Variants in SGCZ observed in about 807,000 individuals in gnomAD.
SGCZ encodes sarcoglycan zeta.
A neutral mutation model predicts 41.3 loss-of-function variants in SGCZ; 40 were observed. The ratio of observed to expected loss-of-function variants is 0.97; its 90% confidence interval spans 0.75 to 1.26. The LOEUF is 1.26. Ranked by LOEUF, SGCZ falls within the 50% of genes most tolerant of loss-of-function variation. SGCZ has a pLI of 0.00. For synonymous variants in SGCZ, 206 were observed against 137.5 expected, an observed-to-expected ratio of 1.50 and a Z score of -3.49; for missense variants, 552 against 369.8, an observed-to-expected ratio of 1.49 and a Z score of -4.04.
chr8:14,521,484 G>A (rs916138350), intron 2 of SGCZ, among the ~76,000 whole-genome samples: 5 of 152,002 alleles, frequency 3.3e-5, no homozygotes, highest in Non-Finnish European at 7.4e-5. Flanking sequence ...TAAAAAAATA[G>A]TTCATTCCCT....
At chr8:15,105,990 A>G (rs1345541260) in intron 1 of SGCZ, among the ~76,000 whole-genome samples, 1 of 152,172 alleles carries the variant, frequency 6.6e-6, no homozygotes, top group Non-Finnish European at 1.5e-5. Context: ...ATTTGAACTG[A>G]TATCTGGACT....
chr8:14,130,882 T>C (rs1351709187), intron 5 of SGCZ, among the ~76,000 whole-genome samples: 2 of 152,138 alleles, frequency 1.3e-5, no homozygotes, highest in African/African-American at 4.8e-5. Context: ...GCCAGCCAGG[T>C]AGAGAATCCA....
At chr8:15,076,753 C>CTTTTTTTTTTTTTTTTTT (rs566416257) in intron 1 of SGCZ, among the ~76,000 whole-genome samples, 1 of 143,742 alleles carries the variant, frequency 7.0e-6, no homozygotes. Flanking sequence ...AAGTCTCTCT[C>CTTTTTTTTTTTTTTTTTT]ATTTTTTTTT....
chr8:14,250,926 T>C (rs954621697), intron 3 of SGCZ, among the ~76,000 whole-genome samples: 8 of 152,140 alleles, frequency 5.3e-5, no homozygotes, highest in African/African-American at 1.7e-4. Flanking sequence ...TAGAGATGTG[T>C]ATGTTAAATG....
At chr8:14,691,559 T>A (rs1808798276) in intron 1 of SGCZ, among the ~76,000 whole-genome samples, 1 of 151,998 alleles carries the variant, frequency 6.6e-6, no homozygotes, top group Non-Finnish European at 1.5e-5. Context: ...CATAGGCACA[T>A]AGGCCTCTTG....
intron 1 of SGCZ, among the ~76,000 whole-genome samples, chr8:14,970,309 T>G (rs1017715654): frequency 6.6e-6 from 1 of 152,282 alleles, no homozygotes; most frequent in African/African-American, 2.4e-5. Flanking sequence ...CTGTCTTGTC[T>G]TTCATCCTTA....
intron 1 of SGCZ, among the ~76,000 whole-genome samples, chr8:14,904,411 CATT>C (rs1181518217): frequency 2.6e-5 from 4 of 152,000 alleles, no homozygotes; most frequent in Non-Finnish European, 4.4e-5. Flanking sequence ...CAAAACATCT[CATT>C]ATCAAAGAAT....
At chr8:14,816,773 C>T (rs1029396415) in intron 1 of SGCZ, among the ~76,000 whole-genome samples, 2 of 152,122 alleles carry the variant, frequency 1.3e-5, no homozygotes, top group African/African-American at 4.8e-5. Flanking sequence ...TGTTTATAGC[C>T]TTAAAAATGA....
intron 1 of SGCZ, among the ~76,000 whole-genome samples, chr8:14,575,913 C>CAAAAAAAAAAAAAAAAAAA (rs66656586): frequency 6.0e-5 from 6 of 100,012 alleles, no homozygotes; most frequent in Non-Finnish European, 1.1e-4. Flanking sequence ...CTCAAAATAA[C>CAAAAAAAAAAAAAAAAAAA]AAAAAAAAAA....
intron 1 of SGCZ, among the ~76,000 whole-genome samples, chr8:14,851,823 G>A (rs1803339160): frequency 6.6e-6 from 1 of 151,994 alleles, no homozygotes; most frequent in Admixed American, 6.6e-5. Context: ...AAAGGATATT[G>A]TGCCCATCTT....
rs1002413151 is a variant in SGCZ, at chr8:14,817,952, T to A, written c.40-263026A>T. Among the ~76,000 whole-genome samples, 8 of 152,240 alleles carry A rather than the reference T, an allele frequency of 5.3e-5. No individual in the cohort carries two copies. In the East Asian group the frequency reaches 1.5e-3, roughly 29 times the overall value. On this transcript the variant is annotated intron_variant, in intron 1 of 7. Transcript: ENST00000382080. ...CTTAGTGGACCTGTCCACTTTAATA[T>A]ATTGCCAAAGAGGCACCTCGCCCAG...
intron 1 of SGCZ, among the ~76,000 whole-genome samples, chr8:15,154,009 C>A (rs770894665): frequency 6.6e-5 from 10 of 151,972 alleles, no homozygotes; most frequent in Non-Finnish European, 1.2e-4. Flanking sequence ...ATGCACGGTT[C>A]ACGATAGAGT....
At chr8:14,585,133 A>G (rs1805016899) in intron 1 of SGCZ, among the ~76,000 whole-genome samples, 2 of 152,266 alleles carry the variant, frequency 1.3e-5, no homozygotes, top group South Asian at 4.1e-4. Flanking sequence ...ATCTCTACTA[A>G]TAAACATTAG....
intron 1 of SGCZ, among the ~76,000 whole-genome samples, chr8:15,112,481 C>A (rs574857493): frequency 4.6e-5 from 7 of 152,328 alleles, no homozygotes; most frequent in Admixed American, 2.0e-4. Flanking sequence ...GGTTTAAAAA[C>A]ATCTCTTCCT....
chr8:15,188,809 A>G (rs1800432721), intron 1 of SGCZ, among the ~76,000 whole-genome samples: 1 of 152,108 alleles, frequency 6.6e-6, no homozygotes, highest in African/African-American at 2.4e-5. Context: ...GGAGATGTTG[A>G]TTTGAGAATA....
intron 1 of SGCZ, among the ~76,000 whole-genome samples, chr8:14,618,488 T>A (rs1389482958): frequency 6.6e-6 from 1 of 152,182 alleles, no homozygotes; most frequent in South Asian, 2.1e-4. Flanking sequence ...GCAGCAAAGA[T>A]GACCAGATTG....
At chr8:14,182,939 G>C (rs1804776868) in intron 4 of SGCZ, among the ~76,000 whole-genome samples, 1 of 149,412 alleles carries the variant, frequency 6.7e-6, no homozygotes, top group Non-Finnish European at 1.5e-5. Flanking sequence ...GAACCCAGGA[G>C]GCAGAGGTTG....
At chr8:15,061,327 G>C (rs1804920026) in intron 1 of SGCZ, among the ~76,000 whole-genome samples, 1 of 149,844 alleles carries the variant, frequency 6.7e-6, no homozygotes, top group Non-Finnish European at 1.5e-5. Flanking sequence ...AGTGGGAGTA[G>C]AACAATGAGA....
intron 1 of SGCZ, among the ~76,000 whole-genome samples, chr8:14,602,713 T>G (rs937261937): frequency 3.3e-5 from 5 of 152,162 alleles, no homozygotes; most frequent in African/African-American, 9.7e-5. Context: ...TTATATCCTG[T>G]TATTCTATAC....
Sources: gnomAD v4.1 joint callset for allele counts (sites outside exome capture counted in the v4.1 genomes callset) on GRCh38, gnomAD v4.1.1 for gene constraint, MANE v1.5 for transcripts, NCBI Gene and HGNC (gene_info 2026-07-23, HGNC 2026-07-21) for gene names.